Variants in KHDRBS2 observed in about 807,000 individuals in gnomAD.
The protein encoded by KHDRBS2 is KH domain-containing, RNA-binding, signal transduction-associated protein 2.
KHDRBS2 carries 26 observed loss-of-function variants against 44.3 expected under a neutral mutation model. That is an observed-to-expected ratio of 0.59 (90% CI 0.43 to 0.81). The LOEUF (loss-of-function observed/expected upper bound fraction) is 0.81. Among genes scored for constraint, KHDRBS2 ranks in the 40% least tolerant of loss-of-function variants. The pLI is 0.00. For synonymous variants in KHDRBS2, 194 were observed against 151.1 expected, an observed-to-expected ratio of 1.28 and a Z score of -2.08; for missense variants, 476 against 433.1, an observed-to-expected ratio of 1.10 and a Z score of -0.88.
the KHDRBS2 span, among the ~76,000 whole-genome samples, chr6:61,557,997 T>TGATCTTATA: frequency 6.6e-6 from 1 of 152,322 alleles, no homozygotes; most frequent in South Asian, 2.1e-4. Flanking sequence ...TTCTAATTTC[T>TGATCTTATA]GATCTTATAT....
intron 2 of KHDRBS2, among the ~76,000 whole-genome samples, chr6:62,109,742 GAGA>G (rs1173319744): frequency 1.3e-5 from 2 of 151,146 alleles, no homozygotes; most frequent in Admixed American, 6.6e-5. Context: ...GCAAAAGAGG[GAGA>G]AGAAGAAGGA....
the KHDRBS2 span, among the ~76,000 whole-genome samples, chr6:61,555,173 C>A: frequency 2.6e-5 from 4 of 152,062 alleles, no homozygotes; most frequent in South Asian, 8.3e-4. Context: ...TTTAAATAAT[C>A]CTATATTATT....
the KHDRBS2 span, among the ~76,000 whole-genome samples, chr6:61,591,069 TA>T: frequency 6.6e-6 from 1 of 152,166 alleles, no homozygotes; most frequent in Non-Finnish European, 1.5e-5. Context: ...AGAACACATT[TA>T]AAATGTTGCA....
At chr6:61,787,732 T>C (rs77826011) in intron 6 of KHDRBS2, among the ~76,000 whole-genome samples, 4,562 of 151,776 alleles carry the variant, frequency 0.03, 234 homozygotes, top group African/African-American at 0.1. Flanking sequence ...TATTTCCTGG[T>C]TTCTTCCAAT....
In KHDRBS2 at chr6:61,697,187, G is replaced by A. The variant is rs200008514; in HGVS notation, c.952+8C>T. 5 of 1,579,458 alleles carry A rather than the reference G, an allele frequency of 3.2e-6. No individual in the cohort carries two copies. Among genetic ancestry groups the A allele is most frequent in the Non-Finnish European group, 4.4e-6 (5 of 1,148,724 alleles). ...GATTTCACAGTTTTAGTAAAGAAAA[G>A]GTCTTACCGTAGCTGTCATAGGCAT... is the stretch of plus-strand genomic sequence containing the variant. On this transcript the variant is annotated splice_region_variant and intron_variant, in intron 8 of 8. Coordinates refer to ENST00000281156, the MANE Select transcript of KHDRBS2 (RefSeq NM_152688.4).
chr6:62,116,752 TTTC>T (rs1213205975), intron 2 of KHDRBS2, among the ~76,000 whole-genome samples: 1 of 152,138 alleles, frequency 6.6e-6, no homozygotes, highest in Non-Finnish European at 1.5e-5. Flanking sequence ...CTCTCTTCAT[TTTC>T]TTTTCTGCGC....
At chr6:61,809,203 T>A (rs563318521) in intron 6 of KHDRBS2, among the ~76,000 whole-genome samples, 2 of 152,118 alleles carry the variant, frequency 1.3e-5, no homozygotes, top group African/African-American at 2.4e-5. Context: ...AGTTCCTTCC[T>A]GTAGATGGCA....
chr6:62,061,017 A>G (rs1305852770), intron 2 of KHDRBS2, among the ~76,000 whole-genome samples: 1 of 151,526 alleles, frequency 6.6e-6, no homozygotes, highest in Non-Finnish European at 1.5e-5. Context: ...TTTGTTTTCC[A>G]TTTGCTTGGT....
the KHDRBS2 span, among the ~76,000 whole-genome samples, chr6:61,660,342 T>A: frequency 6.6e-6 from 1 of 151,794 alleles, no homozygotes; most frequent in Admixed American, 6.6e-5. Context: ...AGGCACAATG[T>A]TTCTATAGTA....
chr6:61,711,065 GC>G (rs1296764492), intron 7 of KHDRBS2, among the ~76,000 whole-genome samples: 1 of 150,540 alleles, frequency 6.6e-6, no homozygotes, highest in Non-Finnish European at 1.5e-5. Flanking sequence ...ATTTGTTTCT[GC>G]ATACATAAGT....
chr6:62,133,604 T>G (rs1810842418), intron 2 of KHDRBS2, among the ~76,000 whole-genome samples: 1 of 152,178 alleles, frequency 6.6e-6, no homozygotes. Flanking sequence ...GAAGTGACTT[T>G]GGAACTGGGT....
At chr6:62,196,456 C>A (rs1405821804) in intron 1 of KHDRBS2, among the ~76,000 whole-genome samples, 2 of 152,104 alleles carry the variant, frequency 1.3e-5, no homozygotes, top group Admixed American at 1.3e-4. Context: ...CAGTTCTGTA[C>A]AGTACTACAA....
chr6:61,731,325 C>T (rs1370577525), intron 7 of KHDRBS2, among the ~76,000 whole-genome samples: 1 of 152,024 alleles, frequency 6.6e-6, no homozygotes, highest in Non-Finnish European at 1.5e-5. Flanking sequence ...AGCAAAAGCG[C>T]TTGGCTCATG....
chr6:61,685,199 C>G (rs1216890668), intron 8 of KHDRBS2, among the ~76,000 whole-genome samples: 1 of 151,764 alleles, frequency 6.6e-6, no homozygotes, highest in Non-Finnish European at 1.5e-5. Flanking sequence ...ATTTTCTGAG[C>G]AAATATACTT....
chr6:62,105,451 C>T (rs1562871377), intron 2 of KHDRBS2, among the ~76,000 whole-genome samples: 1 of 152,176 alleles, frequency 6.6e-6, no homozygotes. Flanking sequence ...GCCACAATTT[C>T]AGAGCCTGTT....
intron 3 of KHDRBS2, among the ~76,000 whole-genome samples, chr6:61,985,201 A>C (rs1774815160): frequency 6.6e-6 from 1 of 152,194 alleles, no homozygotes; most frequent in African/African-American, 2.4e-5. Flanking sequence ...TTTACAGTCT[A>C]AAGAGAAAGG....
intron 1 of KHDRBS2, among the ~76,000 whole-genome samples, chr6:62,245,936 A>G (rs2150170879): frequency 1.3e-5 from 2 of 151,922 alleles, no homozygotes; most frequent in South Asian, 2.1e-4. Context: ...GGGCAGGGCC[A>G]GTCAAATAAA....
intron 6 of KHDRBS2, among the ~76,000 whole-genome samples, chr6:61,881,368 T>C (rs762914902): frequency 7.4e-5 from 11 of 148,714 alleles, no homozygotes; most frequent in Non-Finnish European, 1.5e-4. Flanking sequence ...ATAATGAACT[T>C]GAAAAGACCT....
intron 6 of KHDRBS2, among the ~76,000 whole-genome samples, chr6:61,854,484 C>T (rs945418113): frequency 6.6e-6 from 1 of 152,004 alleles, no homozygotes; most frequent in Non-Finnish European, 1.5e-5. Flanking sequence ...TGGCATGATA[C>T]CTTAGTACTC....
Sources: gnomAD v4.1 joint callset for allele counts (sites outside exome capture counted in the v4.1 genomes callset) on GRCh38, gnomAD v4.1.1 for gene constraint, MANE v1.5 for transcripts, NCBI Gene and HGNC (gene_info 2026-07-23, HGNC 2026-07-21) for gene names.